The following AKAP13 variants were observed in gnomAD, a reference collection of about 807,000 sequenced individuals.
The protein encoded by AKAP13 is A-kinase anchor protein 13.
Under a neutral mutation model 264.5 loss-of-function variants are expected in AKAP13, and 80 were observed. That is an observed-to-expected ratio of 0.30 (90% CI 0.25 to 0.36). The LOEUF is 0.36. Among genes scored for constraint, AKAP13 ranks in the 10% least tolerant of loss-of-function variants. The pLI is 1.00. For missense variants in AKAP13, 3,712 were observed against 3,435.2 expected, an observed-to-expected ratio of 1.08 and a Z score of -2.01; for synonymous variants, 1,380 against 1,250.2, an observed-to-expected ratio of 1.10 and a Z score of -2.19.
At chr15:85,402,127 G>A (rs1250516124) in intron 1 of AKAP13, among the ~76,000 whole-genome samples, 1 of 152,094 alleles carries the variant, frequency 6.6e-6, no homozygotes, top group Non-Finnish European at 1.5e-5. Context: ...TTGGTTCTTT[G>A]TTGTGTTTTC....
chr15:85,451,878 G>T lies in AKAP13; in HGVS notation c.-11-33832G>T, dbSNP rs537617310. On this transcript the variant is annotated intron_variant, in intron 1 of 36. Coordinates refer to ENST00000394518, the MANE Select transcript of AKAP13 (RefSeq NM_007200.5). Reference sequence around the variant, plus strand: ...TCTTCATGTGTAGAATATTGCAGGAGTTCTTTGTATTTTCTGGATTTGACT... The same window carrying T: ...TCTTCATGTGTAGAATATTGCAGGATTTCTTTGTATTTTCTGGATTTGACT... 1.2e-3 allele frequency among the ~76,000 whole-genome samples: 189 copies of T among 152,326 alleles called. 2 individuals are homozygous for T. Among genetic ancestry groups the T allele is most frequent in the African/African-American group, 4.3e-3 (179 of 41,586 alleles).
intron 5 of AKAP13, among the ~76,000 whole-genome samples, chr15:85,549,574 G>T (rs1365709339): frequency 6.6e-6 from 1 of 152,048 alleles, no homozygotes; most frequent in African/African-American, 2.4e-5. Context: ...TGTGTTTTGC[G>T]GGAGAAATAT....
chr15:85,388,488 A>T (rs1349028301), intron 1 of AKAP13, among the ~76,000 whole-genome samples: 2 of 152,190 alleles, frequency 1.3e-5, no homozygotes, highest in East Asian at 3.8e-4. Flanking sequence ...GATGGTAGCC[A>T]TAGGTGTTTG....
intron 16 of AKAP13, among the ~76,000 whole-genome samples, chr15:85,688,575 C>T (rs561080640): frequency 1.3e-5 from 2 of 152,206 alleles, no homozygotes; most frequent in South Asian, 4.1e-4. Flanking sequence ...TAGTGATTAA[C>T]CTAGATATAT....
At position 85,571,756 on chromosome 15, in the gene AKAP13, A is replaced by G. The variant is rs553758396; in HGVS notation, c.663-3375A>G. Reference sequence around the variant, plus strand: ...CTTAAATAGTGCCTGGCACATACATACTTGCTGAATGAATGGATGATGGGA... The same window carrying G: ...CTTAAATAGTGCCTGGCACATACATGCTTGCTGAATGAATGGATGATGGGA... On this transcript the variant is annotated intron_variant, in intron 5 of 36. Transcript: ENST00000394518. Among the ~76,000 whole-genome samples the G allele has an allele frequency of 1.1e-4, 17 of 152,346 alleles. No individual in the cohort carries two copies. In the East Asian group the frequency reaches 2.7e-3, roughly 24 times the overall value.
intron 12 of AKAP13, chr15:85,662,532 T>G: frequency 6.5e-6 from 10 of 1,549,882 alleles, no homozygotes; most frequent in Non-Finnish European, 8.9e-6. Context: ...TGGAGCTGGC[T>G]TCTGTGTGGC....
chr15:85,557,545 C>G (rs920615408), intron 5 of AKAP13, among the ~76,000 whole-genome samples: 1 of 151,814 alleles, frequency 6.6e-6, no homozygotes, highest in Non-Finnish European at 1.5e-5. Flanking sequence ...GTGCAGTGGC[C>G]CAGTCATGGC....
At chr15:85,546,139 G>A (rs1017658882) in intron 5 of AKAP13, among the ~76,000 whole-genome samples, 17 of 151,994 alleles carry the variant, frequency 1.1e-4, no homozygotes, top group African/African-American at 3.9e-4. Context: ...ATGTTGTAAC[G>A]TGTCAGAAAA....
At chr15:85,387,674 G>T (rs2070645548) in intron 1 of AKAP13, among the ~76,000 whole-genome samples, 1 of 148,180 alleles carries the variant, frequency 6.7e-6, no homozygotes, top group South Asian at 2.1e-4. Context: ...TCAGTTAGGG[G>T]GCAATTGACA....
intron 8 of AKAP13, among the ~76,000 whole-genome samples, chr15:85,587,771 C>G (rs1441954397): frequency 6.6e-6 from 1 of 152,086 alleles, no homozygotes; most frequent in Non-Finnish European, 1.5e-5. Flanking sequence ...CTCAGCCTCC[C>G]GAGTAGCTGG....
Position 85,719,230 on chromosome 15 carries a change from C to T in AKAP13, c.6156C>T (p.Phe2052=), listed in dbSNP as rs1389649313. The change falls in exon 23 of 37, where the codon TTC becomes TTT. Residue 2052 remains phenylalanine (F), a synonymous_variant. Transcript: ENST00000394518. ...LDELISIHSQ[F]FQRILERKKE... is the part of the protein sequence containing the mutation. The stretch of plus-strand genomic sequence containing the variant: ...AGCTGATCAGTATCCATAGCCAATT[C>T]TTCCAGAGGATTCTGGAGCGGAAGA... 6.2e-7 allele frequency: 1 copy of T among 1,614,186 alleles called. No individual in the cohort carries two copies. Among genetic ancestry groups the T allele is most frequent in the Non-Finnish European group, 8.5e-7 (1 of 1,180,032 alleles).
At chr15:85,537,341 G>C (rs2077435623) in intron 4 of AKAP13, among the ~76,000 whole-genome samples, 2 of 152,198 alleles carry the variant, frequency 1.3e-5, no homozygotes, top group South Asian at 4.1e-4. Context: ...GGTAAATAAG[G>C]CACCTTGTTA....
Position 85,704,672 on chromosome 15 carries a change from T to C in AKAP13, c.5465-3347T>C, listed in dbSNP as rs1196208349. Among the ~76,000 whole-genome samples the C allele has an allele frequency of 2.0e-5, 3 of 152,324 alleles. No individual in the cohort carries two copies. The East Asian group carries it at 5.8e-4, about 29-fold the overall frequency. Reference sequence around the variant, plus strand: ...AAGAATTTTAAAAAATGAAAGCATATTGCCTACTGCTATTAGGAAATCTAT... The same window carrying C: ...AAGAATTTTAAAAAATGAAAGCATACTGCCTACTGCTATTAGGAAATCTAT... On this transcript the variant is annotated intron_variant, in intron 17 of 36. Transcript: ENST00000394518.
chr15:85,416,020 C>G (rs1026134339), intron 1 of AKAP13, among the ~76,000 whole-genome samples: 3 of 151,986 alleles, frequency 2.0e-5, no homozygotes, highest in African/African-American at 7.3e-5. Flanking sequence ...TGGTAAATGT[C>G]AATGGGAAGA....
rs2089326300 is a variant in AKAP13 at position 85,745,009 on chromosome 15, G to A, written c.*332G>A. The A allele has an allele frequency of 4.3e-6, 1 of 231,078 alleles. No homozygotes were observed. Among genetic ancestry groups the A allele is most frequent in the Non-Finnish European group, 8.5e-6 (1 of 117,946 alleles). 14.3% of individuals were successfully genotyped at this position (231,078 alleles called of 1,614,324 possible). ...AGGAATTCCTAAAGGCTGAAAGAGT[G>A]TATCCAAGTAAGGTCTGAACCTCCG... On this transcript the variant is annotated 3_prime_UTR_variant, in exon 37 of 37. Transcript: ENST00000394518.
At chr15:85,647,638 C>A (rs759029696) in intron 10 of AKAP13, among the ~76,000 whole-genome samples, 5 of 151,968 alleles carry the variant, frequency 3.3e-5, no homozygotes, top group Non-Finnish European at 5.9e-5. Context: ...ACAAAAAATT[C>A]TATGAAGTAA....
chr15:85,410,578 G>A (rs1014307268), intron 1 of AKAP13, among the ~76,000 whole-genome samples: 1 of 151,512 alleles, frequency 6.6e-6, no homozygotes, highest in East Asian at 1.9e-4. Flanking sequence ...TGTCAGTCAA[G>A]GCATTTTATC....
chr15:85,382,032 A>T (rs564977340), intron 1 of AKAP13: 1 of 152,324 alleles, frequency 6.6e-6, no homozygotes, highest in South Asian at 2.1e-4. Flanking sequence ...TGCAGGCTGC[A>T]TTAAGTACAA....
At chr15:85,640,136 C>T (rs1316387734) in intron 9 of AKAP13, among the ~76,000 whole-genome samples, 1 of 152,164 alleles carries the variant, frequency 6.6e-6, no homozygotes, top group Non-Finnish European at 1.5e-5. Flanking sequence ...AGTATGTTCC[C>T]TAATGTCTGT....
Sources: gnomAD v4.1 joint callset for allele counts (sites outside exome capture counted in the v4.1 genomes callset) on GRCh38, gnomAD v4.1.1 for gene constraint, MANE v1.5 for transcripts, NCBI Gene and HGNC (gene_info 2026-07-23, HGNC 2026-07-21) for gene names.